Variants in SHTN1 observed in about 807,000 individuals in gnomAD.
SHTN1 encodes the protein shootin 1, also known as shootin-1.
A neutral mutation model predicts 83.1 loss-of-function variants in SHTN1; 42 were observed. The ratio of observed to expected loss-of-function variants is 0.51; its 90% CI spans 0.39 to 0.65. The LOEUF is 0.65. Ranked by LOEUF, SHTN1 falls within the 30% of genes least tolerant of loss-of-function variation. The probability of loss-of-function intolerance (pLI) is 0.00; values close to 1 mark genes in which losing one functional copy is unlikely to be tolerated. For synonymous variants in SHTN1, 224 were observed against 247.7 expected, an observed-to-expected ratio of 0.90 and a Z score of 0.90; for missense variants, 622 against 737.8, an observed-to-expected ratio of 0.84 and a Z score of 1.82.
At position 116,928,954 on chromosome 10, in the gene SHTN1, C is replaced by G. The variant is rs1321567174; in HGVS notation, c.1012+895G>C. ...ATTTCCAGTGTCTGCCTCCTCTATT[C>G]ATAATAAAGATGGCTTTGGCTACAG... is the stretch of plus-strand genomic sequence containing the variant. On this transcript the variant is annotated intron_variant, in intron 10 of 16. Coordinates refer to ENST00000355371, the MANE Select transcript of SHTN1 (RefSeq NM_001127211.3). Among the ~76,000 whole-genome samples the G allele has an allele frequency of 2.6e-5, 4 of 152,144 alleles. No homozygotes were observed. In the East Asian group the frequency reaches 7.7e-4, roughly 29 times the overall value.
intron 9 of SHTN1, among the ~76,000 whole-genome samples, chr10:116,934,606 A>T (rs1363438227): frequency 6.6e-6 from 1 of 151,302 alleles, no homozygotes; most frequent in Admixed American, 6.6e-5. Context: ...CAGTGTGATG[A>T]CTCCAGCTTT....
chr10:117,108,258 A>G (rs1243192562), intron 1 of SHTN1, among the ~76,000 whole-genome samples: 1 of 152,124 alleles, frequency 6.6e-6, no homozygotes, highest in Admixed American at 6.5e-5. Context: ...ACATGCACAC[A>G]TATGTTTATT....
chr10:117,121,569 ACT>A (rs1375116128), intron 1 of SHTN1, among the ~76,000 whole-genome samples: 10 of 151,774 alleles, frequency 6.6e-5, no homozygotes, highest in Admixed American at 2.6e-4. Flanking sequence ...ATAGAGTGAG[ACT>A]CTGACTCAAA....
chr10:116,899,594 G>A (rs913096299), intron 16 of SHTN1, among the ~76,000 whole-genome samples: 1 of 151,272 alleles, frequency 6.6e-6, no homozygotes, highest in Non-Finnish European at 1.5e-5. Flanking sequence ...TCTGTATTTA[G>A]AGCCGACTGT....
rs1013662074 is a variant in SHTN1, at chr10:116,986,849, C to T, written c.59-7541G>A. On this transcript the variant is annotated intron_variant, in intron 1 of 16. Transcript: ENST00000355371. The stretch of plus-strand genomic sequence containing the variant: ...GTTCAAGCGATTCTCCTGCCTCAGC[C>T]TCCTGAGTAACTGGGATTACAGGCG... Among the ~76,000 whole-genome samples the T allele has an allele frequency of 7.9e-5, 12 of 151,202 alleles. No individual in the cohort carries two copies. The Admixed American group carries it at 7.9e-4, about 10-fold the overall frequency.
Position 116,959,232 on chromosome 10 carries a change from G to A in SHTN1, c.267+904C>T, listed in dbSNP as rs558379784. Among the ~76,000 whole-genome samples the A allele has an allele frequency of 7.3e-4, 111 of 152,284 alleles. 2 individuals carry two copies. The South Asian group carries it at 0.022, about 30-fold the overall frequency. ...CTGTGTATTCTTCAGATGAATAACA[G>A]GAGAGAAGTTACATACCCAAATTTA... On this transcript the variant is annotated intron_variant, in intron 4 of 16. Coordinates refer to ENST00000355371, the MANE Select transcript of SHTN1 (RefSeq NM_001127211.3).
chr10:117,034,659 A>C (rs2133575305), intron 2 of SHTN1, among the ~76,000 whole-genome samples: 1 of 152,234 alleles, frequency 6.6e-6, no homozygotes, highest in South Asian at 2.1e-4. Context: ...AAAAATCAAC[A>C]TAGAAAAATC....
chr10:117,047,114 G>A (rs1240116123), intron 2 of SHTN1, among the ~76,000 whole-genome samples: 2 of 151,978 alleles, frequency 1.3e-5, no homozygotes, highest in African/African-American at 4.8e-5. Flanking sequence ...GCCCAGGCTG[G>A]AGTGCAGTGG....
At chr10:117,114,998 C>A (rs1432905427) in intron 1 of SHTN1, among the ~76,000 whole-genome samples, 2 of 152,174 alleles carry the variant, frequency 1.3e-5, no homozygotes. Context: ...CCACTGTTTG[C>A]CCAAATTTGA....
At position 116,950,516 on chromosome 10, in the gene SHTN1, T is replaced by G. The variant is rs544299193; in HGVS notation, c.534+1393A>C. Reference sequence around the variant, plus strand: ...TCTCAGATGTCTGAAATAGCCATAATAAAAATAATTGTTGAATTGTCTTCC... The same window carrying G: ...TCTCAGATGTCTGAAATAGCCATAAGAAAAATAATTGTTGAATTGTCTTCC... On this transcript the variant is annotated intron_variant, in intron 6 of 16. Coordinates refer to ENST00000355371, the MANE Select transcript of SHTN1 (RefSeq NM_001127211.3). Among the ~76,000 whole-genome samples, 111 of 152,254 alleles carry G rather than the reference T, an allele frequency of 7.3e-4. 2 individuals are homozygous for G. The South Asian group carries it at 0.022, about 30-fold the overall frequency.
intron 1 of SHTN1, among the ~76,000 whole-genome samples, chr10:117,076,822 C>T (rs887983556): frequency 3.3e-5 from 5 of 152,206 alleles, no homozygotes; most frequent in African/African-American, 1.2e-4. Context: ...TCTGAATTTA[C>T]ACATTATCTT....
chr10:116,985,609 T>C (rs1851192405), intron 1 of SHTN1, among the ~76,000 whole-genome samples: 1 of 152,166 alleles, frequency 6.6e-6, no homozygotes, highest in South Asian at 2.1e-4. Flanking sequence ...CTCCTCCCCA[T>C]GGTAAGAGTC....
intron 1 of SHTN1, among the ~76,000 whole-genome samples, chr10:117,060,844 G>A (rs1016273550): frequency 3.9e-5 from 6 of 152,280 alleles, no homozygotes; most frequent in African/African-American, 1.2e-4. Flanking sequence ...TCGGAAAAGC[G>A]AGAGGAAAGA....
intron 1 of SHTN1, among the ~76,000 whole-genome samples, chr10:117,111,561 G>A (rs1853768816): frequency 6.6e-6 from 1 of 151,900 alleles, no homozygotes; most frequent in Non-Finnish European, 1.5e-5. Context: ...TAAAGTGCTG[G>A]GATTACAGGC....
intron 1 of SHTN1, among the ~76,000 whole-genome samples, chr10:117,049,271 T>G (rs1234881449): frequency 1.3e-5 from 2 of 151,948 alleles, no homozygotes; most frequent in Non-Finnish European, 2.9e-5. Context: ...GCCTGTAGAG[T>G]GCAGACCAGC....
At chr10:117,020,334 TAAAA>T (rs34102272) in intron 2 of SHTN1, among the ~76,000 whole-genome samples, 17 of 134,932 alleles carry the variant, frequency 1.3e-4, no homozygotes, top group African/African-American at 4.6e-4. Flanking sequence ...TAATAAAAAT[TAAAA>T]AAAAAAAAAA....
intron 11 of SHTN1, among the ~76,000 whole-genome samples, chr10:116,922,646 C>T (rs1487297484): frequency 2.6e-5 from 4 of 152,070 alleles, no homozygotes; most frequent in African/African-American, 9.7e-5. Flanking sequence ...ACTTAAGCTA[C>T]ACAACATGGA....
chr10:116,947,684 T>C (rs1347308731), intron 7 of SHTN1, among the ~76,000 whole-genome samples: 1 of 152,218 alleles, frequency 6.6e-6, no homozygotes, highest in Non-Finnish European at 1.5e-5. Context: ...TTTTCACGTG[T>C]CCTGGCCCTT....
intron 11 of SHTN1, among the ~76,000 whole-genome samples, chr10:116,926,145 C>T (rs371315491): frequency 4.6e-5 from 7 of 152,208 alleles, no homozygotes; most frequent in African/African-American, 1.7e-4. Flanking sequence ...CCTGAACATT[C>T]GTTTCTCAGC....
Sources: allele counts gnomAD v4.1 joint callset (sites outside exome capture counted in the v4.1 genomes callset), GRCh38; gene constraint gnomAD v4.1.1; transcripts MANE v1.5; gene names NCBI Gene and HGNC (gene_info 2026-07-23, HGNC 2026-07-21).